The following PLCB1 variants were observed in gnomAD, a reference collection of about 807,000 sequenced individuals.
PLCB1 encodes phospholipase C beta 1.
A neutral mutation model predicts 161.8 loss-of-function variants in PLCB1; 46 were observed. That is an observed-to-expected ratio of 0.28 (90% confidence interval 0.22 to 0.36). The LOEUF is 0.36. Among genes scored for constraint, PLCB1 ranks in the 10% least tolerant of loss-of-function variants. PLCB1 has a pLI of 1.00. For missense variants in PLCB1, 1,016 were observed against 1,472.5 expected (o/e 0.69, Z 5.07); for synonymous variants, 517 against 503.7 (o/e 1.03, Z -0.35).
intron 31 of PLCB1, among the ~76,000 whole-genome samples, chr20:8,874,225 T>TACACACACACACAC (rs56986559): frequency 2.3e-5 from 3 of 132,472 alleles, no homozygotes; most frequent in Non-Finnish European, 3.3e-5. Context: ...TATGTGTATG[T>TACACACACACACAC]ACACACACAC....
At chr20:8,640,859 G>C (rs1414718682) in intron 4 of PLCB1, among the ~76,000 whole-genome samples, 1 of 152,062 alleles carries the variant, frequency 6.6e-6, no homozygotes, top group Non-Finnish European at 1.5e-5. Flanking sequence ...GCTCTTTGGG[G>C]GAGTTTTAAT....
intron 2 of PLCB1, among the ~76,000 whole-genome samples, chr20:8,175,897 A>G (rs146878465): frequency 8.5e-4 from 130 of 152,346 alleles, no homozygotes; most frequent in African/African-American, 3.0e-3. Context: ...TAAAGAGGAT[A>G]CACAGATGGC....
chr20:8,276,483 A>G (rs922740168), intron 2 of PLCB1, among the ~76,000 whole-genome samples: 1 of 152,212 alleles, frequency 6.6e-6, no homozygotes, highest in Non-Finnish European at 1.5e-5. Context: ...CACTTAATAC[A>G]TATTATCTGT....
intron 3 of PLCB1, among the ~76,000 whole-genome samples, chr20:8,620,148 A>G (rs1053113323): frequency 2.0e-5 from 3 of 152,178 alleles, no homozygotes; most frequent in Non-Finnish European, 4.4e-5. Context: ...TGCAAACTCT[A>G]ATGTGTCACA....
intron 31 of PLCB1, among the ~76,000 whole-genome samples, chr20:8,827,008 T>A (rs1487331427): frequency 2.0e-5 from 3 of 152,224 alleles, no homozygotes; most frequent in Admixed American, 6.5e-5. Flanking sequence ...AGATGACATC[T>A]CTTAGGTCAG....
intron 3 of PLCB1, among the ~76,000 whole-genome samples, chr20:8,560,210 T>A (rs990189254): frequency 6.6e-6 from 1 of 152,030 alleles, no homozygotes; most frequent in Non-Finnish European, 1.5e-5. Context: ...ATGCTCATGC[T>A]GCTGGTTTGT....
rs146091228 is a variant in PLCB1 at position 8,854,665 on chromosome 20, C to T, written c.3424-26957C>T. ...GGCTGACAATCGTTTTCTTCTGCCT[C>T]GGCATGACCAAATACAGTAAGAATT... On this transcript the variant is annotated intron_variant, in intron 31 of 31. Transcript: ENST00000338037. 2.3e-3 allele frequency among the ~76,000 whole-genome samples: 357 copies of T among 152,278 alleles called. 1 individual carries two copies. Among genetic ancestry groups the T allele is most frequent in the Non-Finnish European group, 2.8e-3 (192 of 68,030 alleles).
intron 3 of PLCB1, among the ~76,000 whole-genome samples, chr20:8,587,791 T>C (rs1465103166): frequency 2.0e-5 from 3 of 152,174 alleles, no homozygotes; most frequent in Non-Finnish European, 4.4e-5. Flanking sequence ...AAGTAGCATA[T>C]GAGGTAAGGA....
intron 31 of PLCB1, chr20:8,801,960 C>T: frequency 1.2e-6 from 1 of 801,138 alleles, no homozygotes; most frequent in Non-Finnish European, 2.2e-6. Context: ...GAAGGCACTC[C>T]AAGAGACGTC....
intron 3 of PLCB1, among the ~76,000 whole-genome samples, chr20:8,477,250 A>T (rs1427853954): frequency 6.6e-6 from 1 of 152,174 alleles, no homozygotes; most frequent in East Asian, 1.9e-4. Flanking sequence ...ATTTTGAGAG[A>T]TGTTGCTAAC....
chr20:8,790,085 C>A, intron 30 of PLCB1, 90 bp from the exon 31 acceptor site: 1 of 805,636 alleles, frequency 1.2e-6, no homozygotes, highest in Non-Finnish European at 2.1e-6. Context: ...CAAATGTAAG[C>A]CATAGATCTG....
At chr20:8,543,116 A>C (rs1205499966) in intron 3 of PLCB1, among the ~76,000 whole-genome samples, 1 of 152,194 alleles carries the variant, frequency 6.6e-6, no homozygotes, top group Non-Finnish European at 1.5e-5. Context: ...GCCCCACCCC[A>C]GATCTATTGG....
intron 2 of PLCB1, among the ~76,000 whole-genome samples, chr20:8,204,690 C>A (rs750215390): frequency 6.6e-6 from 1 of 152,036 alleles, no homozygotes; most frequent in African/African-American, 2.4e-5. Flanking sequence ...GCTTCGGGTA[C>A]GGCCTGCAGA....
At chr20:8,525,343 T>TA (rs1021702512) in intron 3 of PLCB1, among the ~76,000 whole-genome samples, 9 of 152,118 alleles carry the variant, frequency 5.9e-5, no homozygotes, top group Non-Finnish European at 1.3e-4. Context: ...TAATCAGTAT[T>TA]AAGGATTTAG....
intron 3 of PLCB1, among the ~76,000 whole-genome samples, chr20:8,607,732 A>T (rs530983176): frequency 1.3e-5 from 2 of 152,326 alleles, no homozygotes; most frequent in South Asian, 2.1e-4. Flanking sequence ...TTCTACCTGT[A>T]AGCATTATAT....
chr20:8,613,761 A>G (rs1014817999), intron 3 of PLCB1, among the ~76,000 whole-genome samples: 1 of 152,152 alleles, frequency 6.6e-6, no homozygotes, highest in Non-Finnish European at 1.5e-5. Flanking sequence ...TGAAGAGAAA[A>G]TAAATTCCTG....
intron 18 of PLCB1, 109 bp downstream of exon 18, chr20:8,729,283 TAA>T: frequency 9.9e-7 from 1 of 1,007,216 alleles, no homozygotes; most frequent in Non-Finnish European, 1.4e-6. Context: ...ACTGAAAAAA[TAA>T]ATAAAAGCAA....
intron 23 of PLCB1, 92 bp from the exon 24 acceptor site, chr20:8,756,954 G>T (rs2123562311): frequency 8.4e-7 from 1 of 1,185,374 alleles, no homozygotes; most frequent in South Asian, 1.7e-5. Flanking sequence ...AAAGAATTGT[G>T]AAGATGCTAT....
At chr20:8,638,273 A>G (rs1988830011) in intron 4 of PLCB1, among the ~76,000 whole-genome samples, 1 of 152,140 alleles carries the variant, frequency 6.6e-6, no homozygotes, top group Non-Finnish European at 1.5e-5. Context: ...TCCTCCTATC[A>G]TAAAGGAGCC....
Sources: allele counts gnomAD v4.1 joint callset (sites outside exome capture counted in the v4.1 genomes callset), GRCh38; gene constraint gnomAD v4.1.1; transcripts MANE v1.5; gene names NCBI Gene and HGNC (gene_info 2026-07-23, HGNC 2026-07-21).